The following TMPRSS5 variants were observed in gnomAD, a reference collection of about 807,000 sequenced individuals.
TMPRSS5 encodes the protein transmembrane protease serine 5.
TMPRSS5 carries 45 observed loss-of-function variants against 59.7 expected under a neutral mutation model. The observed-to-expected ratio is 0.75, with a 90% confidence interval of 0.59 to 0.97. TMPRSS5 has a LOEUF of 0.97. Ranked by LOEUF, TMPRSS5 falls within the 50% of genes least tolerant of loss-of-function variation. The pLI, the probability that TMPRSS5 is intolerant of heterozygous loss-of-function variation, is 0.00. For synonymous variants in TMPRSS5, 225 were observed against 232.0 expected, an observed-to-expected ratio of 0.97 and a Z score of 0.27; for missense variants, 585 against 596.7, an observed-to-expected ratio of 0.98 and a Z score of 0.20.
chr11:113,694,270 A>C lies in TMPRSS5; in HGVS notation c.785+208T>G, dbSNP rs1952863947. On this transcript the variant is annotated intron_variant, in intron 8 of 12. Coordinates refer to ENST00000299882, the MANE Select transcript of TMPRSS5 (RefSeq NM_030770.4). ...AAAAAAAAAAAAAAAAAACTGATGA[A>C]TATAAAGAACAAATCTTCATATTAT... 3 of 420,848 alleles carry C rather than the reference A, an allele frequency of 7.1e-6. No homozygotes were observed. The Admixed American group carries it at 1.2e-4, about 17-fold the overall frequency. 26.1% of individuals were successfully genotyped at this position (420,848 alleles called of 1,614,324 possible).
chr11:113,690,179 C>CACCCCCCCCCCCACCCCA, intron 11 of TMPRSS5, 52 bp downstream of exon 11: 1 of 897,668 alleles, frequency 1.1e-6, no homozygotes, highest in Non-Finnish European at 1.7e-6. Flanking sequence ...GCCCCCTGCC[C>CACCCCCCCCCCCACCCCA]TCCCACCCCC....
intron 2 of TMPRSS5, 177 bp downstream of exon 2, chr11:113,699,889 C>T: frequency 5.4e-6 from 8 of 1,495,128 alleles, no homozygotes; most frequent in Non-Finnish European, 7.2e-6. Context: ...GCCCACAAAT[C>T]CCACTCAATC....
At chr11:113,700,673 T>G (rs1046877792) in intron 1 of TMPRSS5, among the ~76,000 whole-genome samples, 1 of 152,180 alleles carries the variant, frequency 6.6e-6, no homozygotes, top group Non-Finnish European at 1.5e-5. Context: ...TAAACCAACG[T>G]GGACCACTCC....
Position 113,693,111 on chromosome 11 carries a change from G to T in TMPRSS5, c.924C>A (p.Asp308Glu), listed in dbSNP as rs940816039. The T allele has an allele frequency of 6.3e-7, 1 of 1,588,372 alleles. No homozygotes were observed. Among genetic ancestry groups the T allele is most frequent in the East Asian group, 2.3e-5 (1 of 43,670 alleles). Residue 308 changes from aspartate (D) to glutamate (E), a missense_variant, in exon 9 of 13, where the codon GAC becomes GAA. Physicochemically the swap from Asp to Glu is conservative, Grantham distance 45. Transcript: ENST00000299882. ...CGGTCTGGAGCCTCAGGAGGGCGACGTCGTAGTCATGATTCTGGGCACTGT... is the reference window on the plus strand; with the variant it reads ...CGGTCTGGAGCCTCAGGAGGGCGACTTCGTAGTCATGATTCTGGGCACTGT... ...PLYSAQNHDY[D>E]VALLRLQTAL...
chr11:113,701,491 G>GT (rs1953131768), intron 1 of TMPRSS5, among the ~76,000 whole-genome samples: 1 of 115,306 alleles, frequency 8.7e-6, no homozygotes, highest in Non-Finnish European at 1.7e-5. Context: ...TTTTTTGGCG[G>GT]GGGGGGGTGT....
chr11:113,705,456 C>A (rs192407437), intron 1 of TMPRSS5, among the ~76,000 whole-genome samples: 1 of 152,330 alleles, frequency 6.6e-6, no homozygotes, highest in East Asian at 1.9e-4. Flanking sequence ...ATTCCCTACA[C>A]CAGCCACAGC....
At chr11:113,695,464 C>T in intron 6 of TMPRSS5, 21 bp from the exon 7 acceptor site, 1 of 1,613,784 alleles carries the variant, frequency 6.2e-7, no homozygotes. Flanking sequence ...GAGGTACCAA[C>T]AAGAAGCTGG....
At chr11:113,692,723 A>C (rs1216893658) in intron 9 of TMPRSS5, among the ~76,000 whole-genome samples, 1 of 152,166 alleles carries the variant, frequency 6.6e-6, no homozygotes, top group Admixed American at 6.5e-5. Context: ...GTATCTCATA[A>C]ACTGTAACAT....
intron 12 of TMPRSS5, among the ~76,000 whole-genome samples, chr11:113,688,976 G>A (rs1952681299): frequency 6.6e-6 from 1 of 152,214 alleles, no homozygotes; most frequent in Non-Finnish European, 1.5e-5. Flanking sequence ...ACTGCTAAAT[G>A]CTGAGCTCTC....
chr11:113,699,900 C>G (rs753148973), intron 2 of TMPRSS5, 166 bp downstream of exon 2: 181 of 1,501,332 alleles, frequency 1.2e-4, no homozygotes, highest in Non-Finnish European at 1.6e-4. Flanking sequence ...CCACTCAATC[C>G]CTAAAGTGGG....
intron 3 of TMPRSS5, among the ~76,000 whole-genome samples, chr11:113,699,268 T>TCCCC (rs1953043195): frequency 1.5e-5 from 1 of 66,766 alleles, no homozygotes; most frequent in Admixed American, 1.8e-4. Context: ...TCTCTCTCTC[T>TCCCC]CTCCCTCTCT....
chr11:113,700,212 A>G (rs889561880), intron 1 of TMPRSS5, 44 bp from the exon 2 acceptor site: 3 of 1,463,998 alleles, frequency 2.0e-6, no homozygotes, highest in African/African-American at 1.4e-5. Context: ...CACATCAAGG[A>G]CTGCTGAGAG....
rs761960357 is a variant in TMPRSS5, at chr11:113,699,712, G to T, written c.107-19C>A. Reference sequence around the variant, plus strand: ...TGAGAAACTGTGGGAAAGGGCAGAGGGGTATCTGGGTCCCCTGCTCCTGCC... The same window carrying T: ...TGAGAAACTGTGGGAAAGGGCAGAGTGGTATCTGGGTCCCCTGCTCCTGCC... On this transcript the variant is annotated intron_variant, in intron 2 of 12. Transcript: ENST00000299882. The T allele has an allele frequency of 6.4e-7, 1 of 1,552,770 alleles. No homozygotes were observed. The highest frequency in any genetic ancestry group is 1.4e-5 in the African/African-American group (1 of 73,078).
chr11:113,699,822 GC>G, intron 2 of TMPRSS5, 129 bp from the exon 3 acceptor site: 2 of 1,378,606 alleles, frequency 1.5e-6, no homozygotes, highest in South Asian at 1.3e-5. Context: ...TGCCCCATCA[GC>G]CCAGATTAGG....
intron 12 of TMPRSS5, among the ~76,000 whole-genome samples, chr11:113,688,912 T>C (rs1233917624): frequency 2.6e-5 from 4 of 152,120 alleles, no homozygotes; most frequent in Admixed American, 2.6e-4. Context: ...ATTGAACAGA[T>C]GAAGGAGAGT....
chr11:113,701,380 A>T (rs938043049), intron 1 of TMPRSS5, among the ~76,000 whole-genome samples: 2 of 152,114 alleles, frequency 1.3e-5, no homozygotes, highest in South Asian at 4.2e-4. Context: ...GGAGATGAGG[A>T]ACGTCTTGGA....
At chr11:113,696,413 A>T (rs1278183124) in intron 6 of TMPRSS5, among the ~76,000 whole-genome samples, 1 of 152,266 alleles carries the variant, frequency 6.6e-6, no homozygotes, top group South Asian at 2.1e-4. Flanking sequence ...AGCCAGAGCA[A>T]CTCAACCATC....
At chr11:113,690,196 ACT>A (rs2134782040) in intron 11 of TMPRSS5, 33 bp downstream of exon 11, 1 of 253,914 alleles carries the variant, frequency 3.9e-6, no homozygotes, top group Non-Finnish European at 6.0e-6. Context: ...CCCCACCTCC[ACT>A]CCCACCCTCA....
chr11:113,695,335 A>G, intron 7 of TMPRSS5, 65 bp downstream of exon 7: 15 of 1,578,864 alleles, frequency 9.5e-6, no homozygotes, highest in Non-Finnish European at 1.3e-5. Context: ...GCTCTTCCAC[A>G]CTTGAGGCAG....
Sources: gnomAD v4.1 joint callset for allele counts (sites outside exome capture counted in the v4.1 genomes callset) on GRCh38, gnomAD v4.1.1 for gene constraint, MANE v1.5 for transcripts, NCBI Gene and HGNC (gene_info 2026-07-23, HGNC 2026-07-21) for gene names.